Variants in KLHL14 observed in about 807,000 individuals in gnomAD.
The protein encoded by KLHL14 is kelch-like protein 14.
A neutral mutation model predicts 64.3 loss-of-function variants in KLHL14; 22 were observed. That is an observed-to-expected ratio of 0.34 (90% confidence interval 0.24 to 0.49). The LOEUF is 0.49. KLHL14 is among the 20% of genes least tolerant of loss of function. KLHL14 has a pLI of 0.99. For missense variants in KLHL14, 661 were observed against 789.0 expected, an observed-to-expected ratio of 0.84 and a Z score of 1.94; for synonymous variants, 322 against 333.4, an observed-to-expected ratio of 0.97 and a Z score of 0.37.
intron 3 of KLHL14, among the ~76,000 whole-genome samples, chr18:32,732,386 A>C (rs922727977): frequency 3.3e-5 from 5 of 152,248 alleles, no homozygotes; most frequent in African/African-American, 1.2e-4. Context: ...TGCATGTGAC[A>C]AGAAGAGTGA....
At chr18:32,698,720 TAGTGCTAGGAG>T (rs2144488861) in intron 3 of KLHL14, among the ~76,000 whole-genome samples, 1 of 152,166 alleles carries the variant, frequency 6.6e-6, no homozygotes, top group Admixed American at 6.5e-5. Flanking sequence ...AACAAACAGG[TAGTGCTAGGAG>T]AAAGAAAAAG....
intron 2 of KLHL14, among the ~76,000 whole-genome samples, chr18:32,760,355 C>CACACACATAT (rs59649340): frequency 0.21 from 31,743 of 151,624 alleles, 4,206 homozygotes; most frequent in East Asian, 0.55. Flanking sequence ...CACACACACA[C>CACACACATAT]ACACACATAT....
At chr18:32,731,174 A>G (rs1274814099) in intron 3 of KLHL14, among the ~76,000 whole-genome samples, 3 of 152,248 alleles carry the variant, frequency 2.0e-5, no homozygotes, top group Non-Finnish European at 2.9e-5. Flanking sequence ...CCTAAAATGT[A>G]GGTTTAGTTA....
intron 3 of KLHL14, among the ~76,000 whole-genome samples, chr18:32,714,324 T>C (rs2050034380): frequency 6.6e-6 from 1 of 152,188 alleles, no homozygotes; most frequent in South Asian, 2.1e-4. Context: ...CTTTGGTGAT[T>C]ATTTAAAGAA....
chr18:32,731,800 C>T (rs2050138312), intron 3 of KLHL14, among the ~76,000 whole-genome samples: 1 of 151,702 alleles, frequency 6.6e-6, no homozygotes, highest in Admixed American at 6.6e-5. Context: ...ACAATAAATA[C>T]TAGAAACAAG....
intron 3 of KLHL14, among the ~76,000 whole-genome samples, chr18:32,699,075 A>G (rs1333828399): frequency 6.6e-6 from 1 of 152,124 alleles, no homozygotes; most frequent in Non-Finnish European, 1.5e-5. Context: ...TTGTTTTCCC[A>G]TAATTTTAAG....
At chr18:32,684,396 T>C (rs1248866284) in intron 5 of KLHL14, among the ~76,000 whole-genome samples, 1 of 152,168 alleles carries the variant, frequency 6.6e-6, no homozygotes, top group African/African-American at 2.4e-5. Context: ...CTAGGTAGGC[T>C]ATCCTGGGAC....
At chr18:32,693,413 C>CACAGAG (rs1229737083) in intron 4 of KLHL14, among the ~76,000 whole-genome samples, 316 of 97,008 alleles carry the variant, frequency 3.3e-3, no homozygotes, top group African/African-American at 9.6e-3. Flanking sequence ...CACACACACA[C>CACAGAG]AGAGAGAGAG....
rs188527196 is a variant in KLHL14 at position 32,685,088 on chromosome 18, A to C, written c.1238+2067T>G. Among the ~76,000 whole-genome samples the C allele has an allele frequency of 3.3e-3, 496 of 152,228 alleles. 4 individuals carry two copies. The highest frequency in any genetic ancestry group is 0.011 in the African/African-American group (474 of 41,544). ...CAGGGACCTGACATGATATACCATAATGACTTAGAAAGAAACGTTAAACAG... is the reference window on the plus strand; with the variant it reads ...CAGGGACCTGACATGATATACCATACTGACTTAGAAAGAAACGTTAAACAG... On this transcript the variant is annotated intron_variant, in intron 5 of 8. Coordinates refer to ENST00000359358, the MANE Select transcript of KLHL14 (RefSeq NM_020805.3).
intron 2 of KLHL14, among the ~76,000 whole-genome samples, chr18:32,762,166 T>C (rs1363092237): frequency 6.6e-6 from 1 of 152,186 alleles, no homozygotes; most frequent in African/African-American, 2.4e-5. Flanking sequence ...AATGGTATTA[T>C]AGGCGGTAAG....
chr18:32,746,531 A>C (rs2050224776), intron 2 of KLHL14, among the ~76,000 whole-genome samples: 1 of 152,220 alleles, frequency 6.6e-6, no homozygotes, highest in South Asian at 2.1e-4. Flanking sequence ...TTTATATTTC[A>C]GTGATTTGGA....
At chr18:32,748,092 C>G (rs1168157877) in intron 2 of KLHL14, among the ~76,000 whole-genome samples, 1 of 152,202 alleles carries the variant, frequency 6.6e-6, no homozygotes, top group African/African-American at 2.4e-5. Context: ...TGGAAGCCAT[C>G]AGAATCTTTG....
intron 3 of KLHL14, among the ~76,000 whole-genome samples, chr18:32,725,427 C>T (rs916000383): frequency 1.3e-5 from 2 of 152,134 alleles, no homozygotes; most frequent in Non-Finnish European, 2.9e-5. Context: ...GAGTTTTAAG[C>T]AGAAAAATCT....
chr18:32,748,393 GGA>G (rs1429341700), intron 2 of KLHL14, among the ~76,000 whole-genome samples: 1 of 150,588 alleles, frequency 6.6e-6, no homozygotes, highest in East Asian at 1.9e-4. Context: ...TTTTTGAGAT[GGA>G]GTATCGCTCT....
intron 3 of KLHL14, among the ~76,000 whole-genome samples, chr18:32,702,708 G>A (rs926284065): frequency 6.6e-6 from 1 of 151,838 alleles, no homozygotes; most frequent in Non-Finnish European, 1.5e-5. Flanking sequence ...TTATCATTAC[G>A]GACAGTTAGT....
In KLHL14 at chr18:32,770,888, G is replaced by A. The variant is rs1019205858; in HGVS notation, c.-43-254C>T. 1 of 469,114 alleles carries A rather than the reference G, an allele frequency of 2.1e-6. No homozygotes were observed. The highest frequency in any genetic ancestry group is 3.9e-6 in the Non-Finnish European group (1 of 256,626). 29.1% of individuals were successfully genotyped at this position (469,114 alleles called of 1,614,324 possible). A position where few individuals can be genotyped will look rare whatever the true frequency, so the allele number is the denominator to read the frequency against. Reference sequence around the variant, plus strand: ...GGTTCTGCGCCCTGCGGCTCCTCTCGCCACCTCCCACACACTTCGTCCCTC... The same window carrying A: ...GGTTCTGCGCCCTGCGGCTCCTCTCACCACCTCCCACACACTTCGTCCCTC... On this transcript the variant is annotated intron_variant, in intron 1 of 8. Coordinates refer to ENST00000359358, the MANE Select transcript of KLHL14 (RefSeq NM_020805.3). The surrounding 1 kb of genome is among the most constrained non-coding windows in gnomAD (Gnocchi z 6.7).
intron 2 of KLHL14, among the ~76,000 whole-genome samples, chr18:32,762,486 C>T (rs1598580596): frequency 6.6e-6 from 1 of 152,020 alleles, no homozygotes; most frequent in East Asian, 1.9e-4. Flanking sequence ...TTCTTTTTCT[C>T]ATTACCCTAT....
intron 3 of KLHL14, among the ~76,000 whole-genome samples, chr18:32,701,056 G>A (rs1337059655): frequency 6.6e-6 from 1 of 152,154 alleles, no homozygotes; most frequent in Non-Finnish European, 1.5e-5. Flanking sequence ...GGAAGGACAT[G>A]GTCAGAAGAT....
chr18:32,680,567 T>C lies in KLHL14; in HGVS notation c.1271A>G (p.Lys424Arg), dbSNP rs1391323358. The C allele has an allele frequency of 3.1e-6, 5 of 1,612,992 alleles. No individual in the cohort carries two copies. Among genetic ancestry groups the C allele is most frequent in the Non-Finnish European group, 4.2e-6 (5 of 1,179,620 alleles). ...CCTTCCACCAATTACGTATAAATGCTTGTCCAACCGACATGCATAGAAACT... is the reference window on the plus strand; with the variant it reads ...CCTTCCACCAATTACGTATAAATGCCTGTCCAACCGACATGCATAGAAACT... Reference protein sequence around the residue: ...RASFYACRLDKHLYVIGGRNE... With the variant: ...RASFYACRLDRHLYVIGGRNE... Residue 424 changes from lysine (K) to arginine (R), a missense_variant, in exon 6 of 9, where the codon AAG becomes AGG. Lys to Arg is a conservative substitution (Grantham distance 26). Coordinates refer to ENST00000359358, the MANE Select transcript of KLHL14 (RefSeq NM_020805.3). This position sits in a 1 kb window ranked among gnomAD's most constrained non-coding sequence, Gnocchi z 4.8.
Sources: allele counts gnomAD v4.1 joint callset (sites outside exome capture counted in the v4.1 genomes callset), GRCh38; gene constraint gnomAD v4.1.1; non-coding constraint Gnocchi (gnomAD v3.1); transcripts MANE v1.5; gene names NCBI Gene and HGNC (gene_info 2026-07-23, HGNC 2026-07-21).